Variants in CNOT6L observed in about 807,000 individuals in gnomAD.
CNOT6L encodes the protein CCR4-NOT transcription complex subunit 6-like.
Under a neutral mutation model 64.0 loss-of-function variants are expected in CNOT6L, and 7 were observed. That is an observed-to-expected ratio of 0.11 (90% confidence interval 0.06 to 0.21). The LOEUF (loss-of-function observed/expected upper bound fraction) is 0.21, where lower values mean the gene tolerates loss of function less well. CNOT6L is among the 10% of genes least tolerant of loss of function. CNOT6L has a pLI of 1.00. For missense variants in CNOT6L, 245 were observed against 669.0 expected (o/e 0.37, Z 6.99); for synonymous variants, 193 against 243.4 (o/e 0.79, Z 1.93).
chr4:77,813,620 T>C (rs529298110), intron 1 of CNOT6L, among the ~76,000 whole-genome samples: 226 of 152,196 alleles, frequency 1.5e-3, no homozygotes, highest in Non-Finnish European at 2.7e-3. Flanking sequence ...CACACACTTC[T>C]CTCCAAAGAG....
At chr4:77,720,711 T>C in intron 11 of CNOT6L, 68 bp from the exon 12 acceptor site, 1 of 1,531,274 alleles carries the variant, frequency 6.5e-7, no homozygotes, top group Non-Finnish European at 8.9e-7. Context: ...CCATAATTTA[T>C]AAAAACCAAA....
intron 4 of CNOT6L, among the ~76,000 whole-genome samples, chr4:77,759,299 C>T (rs1725905779): frequency 6.6e-6 from 1 of 151,666 alleles, no homozygotes; most frequent in Non-Finnish European, 1.5e-5. Context: ...GGCACGGTGG[C>T]TCACGCCTGT....
At chr4:77,789,767 A>G (rs1729901247) in intron 1 of CNOT6L, among the ~76,000 whole-genome samples, 1 of 151,980 alleles carries the variant, frequency 6.6e-6, no homozygotes, top group Admixed American at 6.6e-5. Flanking sequence ...CCTGGGCAAC[A>G]TGGCAAAACC....
intron 1 of CNOT6L, among the ~76,000 whole-genome samples, chr4:77,802,454 C>A (rs1300474589): frequency 6.6e-6 from 1 of 152,178 alleles, no homozygotes; most frequent in Non-Finnish European, 1.5e-5. Context: ...ACATAAATTA[C>A]TTCCTAATTA....
At chr4:77,752,780 AC>A (rs1724994185) in intron 5 of CNOT6L, among the ~76,000 whole-genome samples, 1 of 151,960 alleles carries the variant, frequency 6.6e-6, no homozygotes, top group African/African-American at 2.4e-5. Flanking sequence ...AAAAAGCAAG[AC>A]TGGAAATTAA....
rs1728145290 is a variant in CNOT6L, at chr4:77,776,361, GATC to G, written c.34_36del (p.Asp12del). On this transcript the variant is annotated inframe_deletion, in exon 2 of 12. Transcript: ENST00000504123. ...GTATAAATTCTGCGAGGATCTGGAG[GATC>G]ATATTTTTCCTTTGGCATCCCTATT... 3.7e-6 allele frequency: 6 copies of G among 1,606,678 alleles called. No individual in the cohort carries two copies. The highest frequency in any genetic ancestry group is 1.4e-5 in the African/African-American group (1 of 73,816).
chr4:77,797,744 A>T (rs918708967), intron 1 of CNOT6L, among the ~76,000 whole-genome samples: 12 of 152,154 alleles, frequency 7.9e-5, no homozygotes, highest in African/African-American at 2.9e-4. Context: ...TGACATTGTG[A>T]AGAAGGAAAC....
intron 1 of CNOT6L, among the ~76,000 whole-genome samples, chr4:77,802,414 TATC>T (rs1731692770): frequency 1.3e-5 from 2 of 152,338 alleles, no homozygotes; most frequent in Admixed American, 6.5e-5. Flanking sequence ...ATATGCCTCT[TATC>T]ATGCTACTAA....
At chr4:77,810,572 T>A (rs1468406643) in intron 1 of CNOT6L, among the ~76,000 whole-genome samples, 1 of 152,218 alleles carries the variant, frequency 6.6e-6, no homozygotes, top group Non-Finnish European at 1.5e-5. Context: ...TTTCCATACA[T>A]ACAATGTGTA....
intron 10 of CNOT6L, among the ~76,000 whole-genome samples, chr4:77,727,799 G>A (rs1722035742): frequency 6.6e-6 from 1 of 152,172 alleles, no homozygotes; most frequent in Non-Finnish European, 1.5e-5. Context: ...AAAGGAGCAT[G>A]TGGTTAAAGT....
chr4:77,779,255 A>G (rs777028331), intron 1 of CNOT6L, among the ~76,000 whole-genome samples: 1 of 151,936 alleles, frequency 6.6e-6, no homozygotes, highest in Non-Finnish European at 1.5e-5. Context: ...ATGATCAATG[A>G]TCATATGCTT....
chr4:77,741,932 T>C (rs1304946875), intron 8 of CNOT6L, among the ~76,000 whole-genome samples: 1 of 152,174 alleles, frequency 6.6e-6, no homozygotes, highest in Non-Finnish European at 1.5e-5. Flanking sequence ...CAGTGTTATT[T>C]GGTAATAAAA....
At chr4:77,749,497 G>A (rs921974770) in intron 5 of CNOT6L, among the ~76,000 whole-genome samples, 5 of 152,102 alleles carry the variant, frequency 3.3e-5, no homozygotes, top group African/African-American at 4.8e-5. Flanking sequence ...ATCTACCTAA[G>A]CTGGCTTGCT....
At chr4:77,789,197 C>A (rs572209237) in intron 1 of CNOT6L, among the ~76,000 whole-genome samples, 1 of 152,204 alleles carries the variant, frequency 6.6e-6, no homozygotes, top group South Asian at 2.1e-4. Flanking sequence ...TCATACAGCT[C>A]TTAGTCAAAC....
At chr4:77,753,205 A>AG (rs1725048550) in intron 5 of CNOT6L, among the ~76,000 whole-genome samples, 1 of 148,916 alleles carries the variant, frequency 6.7e-6, no homozygotes, top group Non-Finnish European at 1.5e-5. Context: ...AAAAAAAAAA[A>AG]CCCAGAAAGA....
chr4:77,781,871 C>T (rs1357478829), intron 1 of CNOT6L, among the ~76,000 whole-genome samples: 2 of 152,176 alleles, frequency 1.3e-5, no homozygotes. Context: ...GACTAAAAAT[C>T]CTACAAGCAC....
rs1366912256 is a variant in CNOT6L, at chr4:77,788,694, C to T, written c.6-12302G>A. 2.0e-5 allele frequency among the ~76,000 whole-genome samples: 3 copies of T among 152,050 alleles called. No individual in the cohort carries two copies. The East Asian group carries it at 5.8e-4, about 29-fold the overall frequency. ...AGTGAGCCAAGATTATGCCACTGCACTCCAGCATGGGCGACAGAGCAAGAC... is the reference window on the plus strand; with the variant it reads ...AGTGAGCCAAGATTATGCCACTGCATTCCAGCATGGGCGACAGAGCAAGAC... On this transcript the variant is annotated intron_variant, in intron 1 of 11. Coordinates refer to ENST00000504123, the MANE Select transcript of CNOT6L (RefSeq NM_144571.3).
chr4:77,818,222 C>CAGG (rs1443549916), intron 1 of CNOT6L, among the ~76,000 whole-genome samples: 3 of 152,146 alleles, frequency 2.0e-5, no homozygotes, highest in Non-Finnish European at 2.9e-5. Flanking sequence ...GAACACAATC[C>CAGG]ACCTAAACAG....
chr4:77,813,102 C>G (rs1456518209), intron 1 of CNOT6L, among the ~76,000 whole-genome samples: 2 of 152,068 alleles, frequency 1.3e-5, no homozygotes, highest in Non-Finnish European at 2.9e-5. Flanking sequence ...GGAGAAAGAA[C>G]AGTCTTTTCA....
Sources: gnomAD v4.1 joint callset for allele counts (sites outside exome capture counted in the v4.1 genomes callset) on GRCh38, gnomAD v4.1.1 for gene constraint, MANE v1.5 for transcripts, NCBI Gene and HGNC (gene_info 2026-07-23, HGNC 2026-07-21) for gene names.